Variants in COX11 observed in about 807,000 individuals in gnomAD.
The protein encoded by COX11 is cytochrome c oxidase copper chaperone COX11, also known as cytochrome c oxidase assembly protein COX11, mitochondrial.
A neutral mutation model predicts 29.4 loss-of-function variants in COX11; 18 were observed. That is an observed-to-expected ratio of 0.61 (90% CI 0.42 to 0.91). COX11 has a LOEUF of 0.91. Ranked by LOEUF, COX11 falls within the 40% of genes least tolerant of loss-of-function variation. COX11 has a pLI of 0.00. For synonymous variants in COX11, 131 were observed against 124.0 expected, an observed-to-expected ratio of 1.06 and a Z score of -0.38; for missense variants, 312 against 346.0, an observed-to-expected ratio of 0.90 and a Z score of 0.78.
Position 54,961,631 on chromosome 17 carries a change from A to G in COX11, c.*1102T>C, listed in dbSNP as rs557077088. 9.1e-7 allele frequency: 1 copy of G among 1,102,410 alleles called. No homozygotes were observed. 68.3% of individuals were successfully genotyped at this position (1,102,410 alleles called of 1,614,324 possible). A position where few individuals can be genotyped will look rare whatever the true frequency, so the allele number is the denominator to read the frequency against. On this transcript the variant is annotated 3_prime_UTR_variant, in exon 4 of 4. Transcript: ENST00000299335. ...TAGATGAAAGCATAAAATGTGAGAA[A>G]CTGAATGTATTATTCAGGAAGAATA...
intron 1 of COX11, among the ~76,000 whole-genome samples, chr17:54,967,031 TGCGCGCGC>T (rs34688822): frequency 0.012 from 1,083 of 90,158 alleles, 9 homozygotes; most frequent in Admixed American, 0.023. Context: ...TAAATAAACG[TGCGCGCGC>T]GCGCACACAC....
chr17:54,962,656 A>G lies in COX11; in HGVS notation c.*77T>C, dbSNP rs2077149936. 7.9e-6 allele frequency: 12 copies of G among 1,524,700 alleles called. No homozygotes were observed. Among genetic ancestry groups the G allele is most frequent in the Non-Finnish European group, 9.7e-6 (11 of 1,134,312 alleles). The allele number at this position is 1,524,700 out of a possible 1,614,324, so 94.4% of individuals were successfully genotyped here. On this transcript the variant is annotated 3_prime_UTR_variant, in exon 4 of 4. Transcript: ENST00000299335. ...ATATAAGCCTTCATATTATTGTACAATATTTCTCCTTTGAGAAGATAGGAT... is the reference window on the plus strand; with the variant it reads ...ATATAAGCCTTCATATTATTGTACAGTATTTCTCCTTTGAGAAGATAGGAT...
Position 54,962,559 on chromosome 17 carries a change from T to C in COX11, c.*174A>G. 2 of 1,329,372 alleles carry C rather than the reference T, an allele frequency of 1.5e-6. No homozygotes were observed. The highest frequency in any genetic ancestry group is 9.6e-7 in the Non-Finnish European group (1 of 1,043,630). 82.3% of individuals were successfully genotyped at this position (1,329,372 alleles called of 1,614,324 possible). On this transcript the variant is annotated 3_prime_UTR_variant, in exon 4 of 4. Coordinates refer to ENST00000299335, the MANE Select transcript of COX11 (RefSeq NM_004375.5). ...ATTCTAGCTAGGCATATGAGTTTCT[T>C]ATGATAAAAGCTGAACTTGTTCTCT...
Position 54,961,330 on chromosome 17 carries a change from C to A in COX11, c.*1403G>T. The A allele has an allele frequency of 6.4e-7, 1 of 1,551,524 alleles. No homozygotes were observed. Among genetic ancestry groups the A allele is most frequent in the Non-Finnish European group, 8.7e-7 (1 of 1,146,868 alleles). Reference sequence around the variant, plus strand: ...TTTGAAGCCTGGAAGACAATACCTACCAACATGTCAAAGCCATGGTGGCAC... The same window carrying A: ...TTTGAAGCCTGGAAGACAATACCTAACAACATGTCAAAGCCATGGTGGCAC... On this transcript the variant is annotated 3_prime_UTR_variant, in exon 4 of 4. Coordinates refer to ENST00000299335, the MANE Select transcript of COX11 (RefSeq NM_004375.5).
chr17:54,965,705 T>C (rs996811409), intron 1 of COX11, among the ~76,000 whole-genome samples: 1 of 152,088 alleles, frequency 6.6e-6, no homozygotes, highest in African/African-American at 2.4e-5. Flanking sequence ...GACACGCGCC[T>C]GTAGTCCCAG....
At chr17:54,968,194 C>G (rs1002157606) in intron 1 of COX11, 87 bp downstream of exon 1, 1 of 1,534,770 alleles carries the variant, frequency 6.5e-7, no homozygotes, top group Non-Finnish European at 8.7e-7. Context: ...CCACCTACGA[C>G]CCGCAGAGCG....
Position 54,968,609 on chromosome 17 carries a change from G to C in COX11, c.38C>G (p.Pro13Arg), listed in dbSNP as rs750496910. 1.2e-5 allele frequency: 19 copies of C among 1,612,806 alleles called. No homozygotes were observed. In the South Asian group the frequency reaches 1.6e-4, roughly 14 times the overall value. Residue 13 changes from proline (P) to arginine (R), a missense_variant, in exon 1 of 4, where the codon CCT becomes CGT. Physicochemically the swap from Pro to Arg is moderately radical, Grantham distance 103. Coordinates refer to ENST00000299335, the MANE Select transcript of COX11 (RefSeq NM_004375.5). The part of the protein sequence containing the change: ...GLWRPGWRCV[P>R]FCGWRWIHPG... Reference sequence around the variant, plus strand: ...GTGGATCCAGCGCCAGCCACAGAAAGGAACGCACCTCCATCCAGGACGCCA... The same window carrying C: ...GTGGATCCAGCGCCAGCCACAGAAACGAACGCACCTCCATCCAGGACGCCA...
chr17:54,953,393 GCCC>G (rs2049333591), exon 1 of COX11: 1 of 152,268 alleles, frequency 6.6e-6, no homozygotes, highest in African/African-American at 2.4e-5. Flanking sequence ...CCAACTGGTT[GCCC>G]CCCTTCTTCT....
intron 2 of COX11, 57 bp from the exon 3 acceptor site, chr17:54,963,488 T>G (rs1033054803): frequency 6.5e-5 from 100 of 1,529,802 alleles, no homozygotes; most frequent in Non-Finnish European, 8.0e-5. Context: ...GTTCCTCTTT[T>G]CCCTGCTAAA....
At position 54,968,623 on chromosome 17, in the gene COX11, T is replaced by C. The variant is rs778342700; in HGVS notation, c.24A>G (p.Gly8=). 2 of 1,612,446 alleles carry C rather than the reference T, an allele frequency of 1.2e-6. No homozygotes were observed. The highest frequency in any genetic ancestry group is 1.1e-5 in the South Asian group (1 of 91,072). Residue 8 remains glycine (G), a synonymous_variant, in exon 1 of 4, where the codon GGA becomes GGG. Transcript: ENST00000299335. The stretch of plus-strand genomic sequence containing the variant: ...AGCCACAGAAAGGAACGCACCTCCA[T>C]CCAGGACGCCAGAGCCCTCCCATAA... MGGLWRP[G]WRCVPFCGWR...
chr17:54,963,498 AT>A, intron 2 of COX11, 67 bp from the exon 3 acceptor site: 3 of 1,485,496 alleles, frequency 2.0e-6, no homozygotes, highest in Non-Finnish European at 2.7e-6. Flanking sequence ...TCCCTGCTAA[AT>A]TAGTCTCATT....
At chr17:54,958,021 T>C (rs1047705843), downstream of COX11, 4 of 96,388 alleles carry the variant, frequency 4.1e-5, no homozygotes, top group African/African-American at 1.2e-4. Context: ...GCATTAATGC[T>C]GAGGCCTGCA....
At chr17:54,962,965 A>C in intron 3 of COX11, 50 bp from the exon 4 acceptor site, 1 of 1,486,658 alleles carries the variant, frequency 6.7e-7, no homozygotes, top group Non-Finnish European at 9.3e-7. Context: ...CGTATTACAT[A>C]ACAGAAACTA....
At position 54,961,931 on chromosome 17, in the gene COX11, T is replaced by G; in HGVS notation, c.*802A>C. On this transcript the variant is annotated 3_prime_UTR_variant, in exon 4 of 4. Transcript: ENST00000299335. The stretch of plus-strand genomic sequence containing the variant: ...TATTTAGAATAAGTTGTACATTTGA[T>G]GACAAATAAATCACTATTAAAACAA... 3 of 900,526 alleles carry G rather than the reference T, an allele frequency of 3.3e-6. No individual in the cohort carries two copies. The highest frequency in any genetic ancestry group is 4.0e-6 in the Non-Finnish European group (3 of 752,484). 55.8% of individuals were successfully genotyped at this position (900,526 alleles called of 1,614,324 possible).
rs551843153 is a variant in COX11, at chr17:54,965,601, G to C, written c.367-749C>G. Among the ~76,000 whole-genome samples the C allele has an allele frequency of 2.6e-5, 4 of 152,204 alleles. No homozygotes were observed. In the South Asian group the frequency reaches 8.3e-4, roughly 32 times the overall value. On this transcript the variant is annotated intron_variant, in intron 1 of 3. Coordinates refer to ENST00000299335, the MANE Select transcript of COX11 (RefSeq NM_004375.5). Reference sequence around the variant, plus strand: ...CCCAGCACTTTGGGAAGCCACGGGGGGCGGATCATGAGGTCAGGAGATGGA... The same window carrying C: ...CCCAGCACTTTGGGAAGCCACGGGGCGCGGATCATGAGGTCAGGAGATGGA...
rs2077116726 is a variant in COX11 at position 54,961,233 on chromosome 17, A to G, written c.*1500T>C. The G allele has an allele frequency of 6.6e-7, 1 of 1,525,404 alleles. No homozygotes were observed. Among genetic ancestry groups the G allele is most frequent in the Non-Finnish European group, 8.9e-7 (1 of 1,123,118 alleles). 94.5% of individuals were successfully genotyped at this position (1,525,404 alleles called of 1,614,324 possible). On this transcript the variant is annotated 3_prime_UTR_variant, in exon 4 of 4. Coordinates refer to ENST00000299335, the MANE Select transcript of COX11 (RefSeq NM_004375.5). The stretch of plus-strand genomic sequence containing the variant: ...CTGGCCATTTTCTTCTCTTTATTTT[A>G]GAAGAAAGTGGATGATCAGCTCACT...
chr17:54,959,168 C>G (rs17745231), downstream of COX11: 31,764 of 152,108 alleles, frequency 0.21, 3,891 homozygotes, highest in Non-Finnish European at 0.27. Flanking sequence ...AATTGTAGCA[C>G]CATTCTGGGG....
At chr17:54,958,701 G>C (rs1273393588), downstream of COX11, among the ~76,000 whole-genome samples, 1 of 132,460 alleles carries the variant, frequency 7.5e-6, no homozygotes. Flanking sequence ...TTGCACTCTA[G>C]CGTGGGCAAC....
exon 1 of COX11, chr17:54,952,684 G>C (rs2049297032): frequency 6.6e-6 from 1 of 151,932 alleles, no homozygotes; most frequent in Non-Finnish European, 1.5e-5. Flanking sequence ...ATTAATAACT[G>C]CACACTCTCC....
Sources: allele counts gnomAD v4.1 joint callset (sites outside exome capture counted in the v4.1 genomes callset), GRCh38; gene constraint gnomAD v4.1.1; transcripts MANE v1.5; gene names NCBI Gene and HGNC (gene_info 2026-07-23, HGNC 2026-07-21).